Variants in MEI4 observed in about 807,000 individuals in gnomAD.
The protein encoded by MEI4 is meiotic double-stranded break formation protein 4, also known as meiosis-specific protein MEI4.
In MEI4, 27 loss-of-function variants were observed where a neutral mutation model predicts 31.4. That is an observed-to-expected ratio of 0.86 (90% CI 0.63 to 1.19). MEI4 has a LOEUF of 1.19. Among genes scored for constraint, MEI4 ranks in the 50% most tolerant of loss-of-function variants. The pLI is 0.00. For synonymous variants in MEI4, 122 were observed against 145.4 expected (o/e 0.84, Z 1.16); for missense variants, 329 against 398.9 (o/e 0.82, Z 1.49).
intron 2 of MEI4, among the ~76,000 whole-genome samples, chr6:77,751,709 C>T (rs1767779962): frequency 6.6e-6 from 1 of 152,296 alleles, no homozygotes. Context: ...TGGTACCATT[C>T]CTTCTGAAAT....
chr6:77,791,587 C>T (rs1343544679), intron 3 of MEI4, among the ~76,000 whole-genome samples: 11 of 147,888 alleles, frequency 7.4e-5, no homozygotes, highest in Non-Finnish European at 1.5e-4. Flanking sequence ...TGCTAGATGA[C>T]GAGTTAGTGG....
intron 3 of MEI4, among the ~76,000 whole-genome samples, chr6:77,818,829 C>CA (rs1029827064): frequency 5.3e-5 from 8 of 152,120 alleles, no homozygotes; most frequent in Non-Finnish European, 8.8e-5. Context: ...CTCCTGGGCT[C>CA]AAACAATCTT....
At position 77,716,818 on chromosome 6, in the gene MEI4, C is replaced by T. The variant is rs182747132; in HGVS notation, c.232+25915C>T. 26 of 953,966 alleles carry T rather than the reference C, an allele frequency of 2.7e-5. No homozygotes were observed. In the East Asian group the frequency reaches 2.8e-3, roughly 102 times the overall value. 59.1% of individuals were successfully genotyped at this position (953,966 alleles called of 1,614,324 possible). A position where few individuals can be genotyped will look rare whatever the true frequency, so the allele number is the denominator to read the frequency against. ...TGCATGTTGTCATGTGGAAGTTGAA[C>T]AAGGAGAATATTTTCAGAATGAGGA... On this transcript the variant is annotated intron_variant, in intron 2 of 4. Coordinates refer to ENST00000684080, the MANE Select transcript of MEI4 (RefSeq NM_001322247.2).
rs1284396217 is a variant in MEI4, at chr6:77,820,081, G to C, written c.769-8850G>C. Reference sequence around the variant, plus strand: ...TCTGAATGGTTTTCCTTCTATCACTGTGTACTTGGCAGTGTCAGTATCAGG... The same window carrying C: ...TCTGAATGGTTTTCCTTCTATCACTCTGTACTTGGCAGTGTCAGTATCAGG... On this transcript the variant is annotated intron_variant, in intron 3 of 4. Transcript: ENST00000684080. The surrounding 1 kb of genome is among the most constrained non-coding windows in gnomAD (Gnocchi z 4.5). 6.6e-6 allele frequency among the ~76,000 whole-genome samples: 1 copy of C among 151,656 alleles called. No individual in the cohort carries two copies.
rs543675724 is a variant in MEI4, at chr6:77,659,498, G to A, written c.-15+6406G>A. Among the ~76,000 whole-genome samples, 41 of 152,244 alleles carry A rather than the reference G, an allele frequency of 2.7e-4. No homozygotes were observed. In the East Asian group the frequency reaches 7.8e-3, roughly 29 times the overall value. On this transcript the variant is annotated intron_variant, in intron 1 of 4. Coordinates refer to ENST00000684080, the MANE Select transcript of MEI4 (RefSeq NM_001322247.2). ...AGAGGTTGTAATGGGGACTGATGGG[G>A]TAACTGCGTAGAGGGGGAGGTTCGA...
intron 3 of MEI4, among the ~76,000 whole-genome samples, chr6:77,821,271 C>T (rs1769816290): frequency 6.6e-6 from 1 of 152,024 alleles, no homozygotes; most frequent in Non-Finnish European, 1.5e-5. Flanking sequence ...TATTATTTAA[C>T]AGATTTCAAG....
At chr6:77,786,762 G>C (rs1256145033) in intron 3 of MEI4, among the ~76,000 whole-genome samples, 1 of 152,068 alleles carries the variant, frequency 6.6e-6, no homozygotes, top group Non-Finnish European at 1.5e-5. Flanking sequence ...TTAGTGATGT[G>C]TTGAAAGTTG....
At chr6:77,911,026 A>G (rs924976533) in intron 4 of MEI4, among the ~76,000 whole-genome samples, 1 of 149,854 alleles carries the variant, frequency 6.7e-6, no homozygotes, top group African/African-American at 2.5e-5. Flanking sequence ...GATTACATTG[A>G]GCATTTTTTT....
intron 3 of MEI4, among the ~76,000 whole-genome samples, chr6:77,788,874 G>A (rs1362409804): frequency 1.3e-5 from 2 of 152,142 alleles, no homozygotes; most frequent in East Asian, 3.9e-4. Flanking sequence ...AGCTACAAGT[G>A]ACTTTCTTCA....
chr6:77,859,793 G>A (rs1412556070), intron 4 of MEI4, among the ~76,000 whole-genome samples: 1 of 152,132 alleles, frequency 6.6e-6, no homozygotes, highest in Non-Finnish European at 1.5e-5. Context: ...CATTTGAAAT[G>A]CAATATTTGG....
chr6:77,766,156 A>C (rs1456460003), intron 3 of MEI4, among the ~76,000 whole-genome samples: 3 of 152,182 alleles, frequency 2.0e-5, no homozygotes, highest in Admixed American at 2.0e-4. Flanking sequence ...TTAGTAGGGA[A>C]TAGTGGATAT....
intron 2 of MEI4, among the ~76,000 whole-genome samples, chr6:77,734,862 T>A (rs1160553047): frequency 6.6e-6 from 1 of 151,956 alleles, no homozygotes; most frequent in Non-Finnish European, 1.5e-5. Flanking sequence ...TTTGCTTGTC[T>A]GTAAAGGATT....
rs1360515881 is a variant in MEI4 at position 77,722,042 on chromosome 6, G to C, written c.232+31139G>C. 2.5e-5 allele frequency among the ~76,000 whole-genome samples: 3 copies of C among 122,208 alleles called. 1 individual carries two copies. Among genetic ancestry groups the C allele is most frequent in the African/African-American group, 9.2e-5 (3 of 32,564 alleles). 80.2% of individuals were successfully genotyped at this position (122,208 alleles called of 152,430 possible). ...CACTTTCCACTGAAACCTGGTGGCT[G>C]GTTCTTTATTATTTATGGCTGGTAT... On this transcript the variant is annotated intron_variant, in intron 2 of 4. Transcript: ENST00000684080.
intron 3 of MEI4, among the ~76,000 whole-genome samples, chr6:77,771,472 A>G (rs1768317590): frequency 6.6e-6 from 1 of 152,176 alleles, no homozygotes; most frequent in African/African-American, 2.4e-5. Context: ...ATTTTACTAT[A>G]AAGACAGATG....
intron 4 of MEI4, among the ~76,000 whole-genome samples, chr6:77,836,233 C>T (rs1395678086): frequency 6.6e-6 from 1 of 152,020 alleles, no homozygotes; most frequent in Non-Finnish European, 1.5e-5. Flanking sequence ...CTCCGAGATG[C>T]AGTTCATACC....
In MEI4 at chr6:77,734,658, G is replaced by C. The variant is rs1395223360; in HGVS notation, c.233-26472G>C. Among the ~76,000 whole-genome samples the C allele has an allele frequency of 7.9e-5, 12 of 151,804 alleles. 1 individual carries two copies. The highest frequency in any genetic ancestry group is 2.9e-4 in the African/African-American group (12 of 41,218). ...TTACATTTAAAGTTAATATTATTAT[G>C]TGTGAATTTGATCCTGTCATTATGT... On this transcript the variant is annotated intron_variant, in intron 2 of 4. Coordinates refer to ENST00000684080, the MANE Select transcript of MEI4 (RefSeq NM_001322247.2).
chr6:77,882,665 T>C (rs900542224), intron 4 of MEI4, among the ~76,000 whole-genome samples: 3 of 152,204 alleles, frequency 2.0e-5, no homozygotes, highest in South Asian at 2.1e-4. Context: ...CTGCGCAGAC[T>C]ACTTTGTGTA....
At position 77,905,146 on chromosome 6, in the gene MEI4, G is replaced by A. The variant is rs183852131; in HGVS notation, c.901-17943G>A. Among the ~76,000 whole-genome samples, 36 of 152,006 alleles carry A rather than the reference G, an allele frequency of 2.4e-4. 1 individual carries two copies. Among genetic ancestry groups the A allele is most frequent in the Admixed American group, 1.2e-3 (18 of 15,244 alleles). On this transcript the variant is annotated intron_variant, in intron 4 of 4. Coordinates refer to ENST00000684080, the MANE Select transcript of MEI4 (RefSeq NM_001322247.2). ...ATCTCTTATTCATTTCTGAAAGACC[G>A]CTTTGCCAGATAAATTAGTCTCGGT...
At chr6:77,741,154 TAGCA>T (rs1767390448) in intron 2 of MEI4, among the ~76,000 whole-genome samples, 1 of 152,132 alleles carries the variant, frequency 6.6e-6, no homozygotes, top group Non-Finnish European at 1.5e-5. Flanking sequence ...TTATGTTAAT[TAGCA>T]TGGCATGTTT....
Sources: gnomAD v4.1 joint callset for allele counts (sites outside exome capture counted in the v4.1 genomes callset) on GRCh38, gnomAD v4.1.1 for gene constraint, Gnocchi (gnomAD v3.1) non-coding constraint, MANE v1.5 for transcripts, NCBI Gene and HGNC (gene_info 2026-07-23, HGNC 2026-07-21) for gene names.